SAMD3: variants seen among roughly 807,000 people sequenced by gnomAD.
SAMD3 encodes the protein sterile alpha motif domain containing 3, also known as sterile alpha motif domain-containing protein 3.
In SAMD3, 63 loss-of-function variants were observed where a neutral mutation model predicts 58.5. The ratio of observed to expected loss-of-function variants is 1.08; its 90% CI spans 0.88 to 1.33. The LOEUF (loss-of-function observed/expected upper bound fraction) is 1.33, where lower values mean the gene tolerates loss of function less well. Among genes scored for constraint, SAMD3 ranks in the 40% most tolerant of loss-of-function variants. The probability of loss-of-function intolerance (pLI) is 0.00; values close to 1 mark genes in which losing one functional copy is unlikely to be tolerated. For missense variants in SAMD3, 604 were observed against 608.4 expected (o/e 0.99, Z 0.08); for synonymous variants, 220 against 210.3 (o/e 1.05, Z -0.40).
chr6:130,325,511 T>C (rs747724953), intron 1 of SAMD3, among the ~76,000 whole-genome samples: 6 of 152,170 alleles, frequency 3.9e-5, no homozygotes, highest in African/African-American at 7.2e-5. Context: ...TCTTCTTGAC[T>C]CAGTCTACTA....
chr6:130,230,437 G>T (rs925728523), intron 2 of SAMD3, among the ~76,000 whole-genome samples: 1 of 151,968 alleles, frequency 6.6e-6, no homozygotes, highest in African/African-American at 2.4e-5. Flanking sequence ...TCCCAGGCTG[G>T]AGTGCAATGG....
chr6:130,317,886 T>G (rs1253999848), intron 1 of SAMD3, among the ~76,000 whole-genome samples: 5 of 152,186 alleles, frequency 3.3e-5, no homozygotes, highest in Admixed American at 3.3e-4. Context: ...AGTAAGGAGA[T>G]TCTCAGGGTA....
intron 4 of SAMD3, among the ~76,000 whole-genome samples, chr6:130,214,107 A>G (rs1030322999): frequency 2.0e-5 from 3 of 152,154 alleles, no homozygotes; most frequent in African/African-American, 7.2e-5. Flanking sequence ...CTCCTTGCTA[A>G]TAGGACATCC....
chr6:130,207,639 G>C (rs1374574074), intron 5 of SAMD3, among the ~76,000 whole-genome samples: 1 of 152,162 alleles, frequency 6.6e-6, no homozygotes, highest in Non-Finnish European at 1.5e-5. Flanking sequence ...ACCCATGAGT[G>C]GGAAGGAGGG....
chr6:130,184,495 C>G lies in SAMD3; in HGVS notation c.512G>C (p.Arg171Thr), dbSNP rs1273316288. 1 of 1,614,134 alleles carries G rather than the reference C, an allele frequency of 6.2e-7. No individual in the cohort carries two copies. The highest frequency in any genetic ancestry group is 1.1e-5 in the South Asian group (1 of 91,084). ...CTGGAGAAACTCAATGATCCTTATC[C>G]TCATGCTGTGATCCGGGCACTTCTG... ...AEQKCPDHSM[R>T]IRIIEFLQAD... The change falls in exon 6 of 12, where the codon AGG becomes ACG. Residue 171 changes from arginine to threonine, a missense_variant. Physicochemically the swap from Arg to Thr is moderately conservative, Grantham distance 71. Transcript: ENST00000439090.
chr6:130,214,411 C>T lies in SAMD3; in HGVS notation c.195G>A (p.Gln65=). 1 of 1,613,084 alleles carries T rather than the reference C, an allele frequency of 6.2e-7. No homozygotes were observed. The highest frequency in any genetic ancestry group is 1.1e-5 in the South Asian group (1 of 90,960). ...CTGGGGACTTCAGTCCTTGAGTGTTCTGCTTGTATTTTTTAATTAAATCCA... is the reference window on the plus strand; with the variant it reads ...CTGGGGACTTCAGTCCTTGAGTGTTTTGCTTGTATTTTTTAATTAAATCCA... ...VLMDLIKKYK[Q]NTQGLKSPEN... is the part of the protein sequence containing the mutation. The change falls in exon 4 of 12, where the codon CAG becomes CAA. Residue 65 remains glutamine (Q), a synonymous_variant. Coordinates refer to ENST00000439090, the MANE Select transcript of SAMD3 (RefSeq NM_001017373.4).
chr6:130,358,787 T>A (rs1777906741), intron 1 of SAMD3, among the ~76,000 whole-genome samples: 1 of 151,772 alleles, frequency 6.6e-6, no homozygotes. Flanking sequence ...GATCACACTA[T>A]ACAAGATTCT....
intron 8 of SAMD3, chr6:130,161,308 T>G (rs144304516): frequency 8.6e-4 from 131 of 152,340 alleles, no homozygotes; most frequent in African/African-American, 3.1e-3. Context: ...ACATTTTAAT[T>G]TTTTAAAGTA....
intron 2 of SAMD3, among the ~76,000 whole-genome samples, chr6:130,233,806 T>C (rs1158345259): frequency 6.6e-6 from 1 of 152,230 alleles, no homozygotes; most frequent in African/African-American, 2.4e-5. Flanking sequence ...ACACATTCTC[T>C]CTAATACAAA....
chr6:130,205,386 C>T (rs1794998755), intron 5 of SAMD3, among the ~76,000 whole-genome samples: 1 of 152,094 alleles, frequency 6.6e-6, no homozygotes, highest in Non-Finnish European at 1.5e-5. Context: ...TCACTGCAAC[C>T]TCTGCCTCCT....
chr6:130,365,312 C>T, exon 1 of SAMD3: 1 of 985,466 alleles, frequency 1.0e-6, no homozygotes, highest in Non-Finnish European at 1.2e-6. Flanking sequence ...TGCTTCAGTT[C>T]CCTCTGTCTT....
chr6:130,156,323 CA>C (rs919336908), intron 8 of SAMD3, among the ~76,000 whole-genome samples: 1 of 149,006 alleles, frequency 6.7e-6, no homozygotes, highest in African/African-American at 2.5e-5. Flanking sequence ...AAGACTGTCT[CA>C]AAAAAAAAGA....
chr6:130,146,127 G>T lies in SAMD3; in HGVS notation c.1078C>A (p.His360Asn), dbSNP rs1190059067. The T allele has an allele frequency of 1.9e-6, 3 of 1,600,554 alleles. No individual in the cohort carries two copies. The African/African-American group carries it at 4.0e-5, about 21-fold the overall frequency. ...TRTDIYKKTR[H>N]ILESYSENIL... The stretch of plus-strand genomic sequence containing the variant: ...TTTTCTGAATAGGATTCCAAAATGT[G>T]CCTTGTTTTCTTATAAATATCTGTT... Residue 360 changes from histidine (H) to asparagine (N), a missense_variant, in exon 10 of 12, where the codon CAC becomes AAC. Transcript: ENST00000439090.
At chr6:130,279,900 T>C (rs1166691979) in intron 2 of SAMD3, among the ~76,000 whole-genome samples, 1 of 152,148 alleles carries the variant, frequency 6.6e-6, no homozygotes, top group Non-Finnish European at 1.5e-5. Context: ...GCAGTCTTTA[T>C]TATTACCTAG....
intron 1 of SAMD3, among the ~76,000 whole-genome samples, chr6:130,351,363 C>T (rs1306777405): frequency 6.6e-6 from 1 of 152,142 alleles, no homozygotes; most frequent in African/African-American, 2.4e-5. Context: ...CTTCAATGAA[C>T]TCCAACAAAT....
At chr6:130,330,066 A>C (rs1393483636) in intron 1 of SAMD3, among the ~76,000 whole-genome samples, 2 of 152,226 alleles carry the variant, frequency 1.3e-5, no homozygotes, top group Non-Finnish European at 2.9e-5. Context: ...CATGTATCCC[A>C]GAACTTAAAG....
intron 1 of SAMD3, among the ~76,000 whole-genome samples, chr6:130,217,687 T>G (rs1378822744): frequency 6.6e-6 from 1 of 152,174 alleles, no homozygotes; most frequent in Non-Finnish European, 1.5e-5. Flanking sequence ...ATATAAAACA[T>G]CATATAAAAC....
rs149170890 is a variant in SAMD3, at chr6:130,243,179, T to C, written c.-187-20366A>G. ...AAGTGCTTGTCAATTATGTCTCTAC[T>C]GGAATCTCTAACTACTTTTCTGTCC... On this transcript the variant is annotated intron_variant, in intron 2 of 13. Coordinates refer to the SAMD3 transcript ENST00000368134. Among the ~76,000 whole-genome samples, 835 of 152,314 alleles carry C rather than the reference T, an allele frequency of 5.5e-3. 6 individuals carry two copies. Among genetic ancestry groups the C allele is most frequent in the African/African-American group, 0.019 (792 of 41,574 alleles).
At chr6:130,224,129 C>T (rs374624189), upstream of SAMD3, among the ~76,000 whole-genome samples, 11 of 146,900 alleles carry the variant, frequency 7.5e-5, no homozygotes, top group East Asian at 5.8e-4. Flanking sequence ...CAACCACCCC[C>T]AGGCAAATTC....
Sources: allele counts gnomAD v4.1 joint callset (sites outside exome capture counted in the v4.1 genomes callset), GRCh38; gene constraint gnomAD v4.1.1; transcripts MANE v1.5; gene names NCBI Gene and HGNC (gene_info 2026-07-23, HGNC 2026-07-21).